The following SHISA6 variants were observed in gnomAD, a reference collection of about 807,000 sequenced individuals.
SHISA6 encodes shisa family member 6, also known as protein shisa-6.
SHISA6 carries 22 observed loss-of-function variants against 47.9 expected under a neutral mutation model. The ratio of observed to expected loss-of-function variants is 0.46; its 90% CI spans 0.33 to 0.66. The LOEUF is 0.66. Among genes scored for constraint, SHISA6 ranks in the 30% least tolerant of loss-of-function variants. The pLI is 0.02. For synonymous variants in SHISA6, 388 were observed against 337.8 expected, an observed-to-expected ratio of 1.15 and a Z score of -1.63; for missense variants, 680 against 764.6, an observed-to-expected ratio of 0.89 and a Z score of 1.30.
intron 2 of SHISA6, among the ~76,000 whole-genome samples, chr17:11,303,810 G>A (rs114322666): frequency 6.6e-6 from 1 of 152,218 alleles, no homozygotes; most frequent in Non-Finnish European, 1.5e-5. Context: ...CCTCAGAGGA[G>A]TGTGCTGAGT....
At chr17:11,270,666 A>G (rs1357343048) in intron 2 of SHISA6, among the ~76,000 whole-genome samples, 1 of 152,208 alleles carries the variant, frequency 6.6e-6, no homozygotes, top group Non-Finnish European at 1.5e-5. Context: ...GTGTTTTCAT[A>G]AAATTTGGAC....
intron 2 of SHISA6, among the ~76,000 whole-genome samples, chr17:11,376,431 C>A (rs1246737373): frequency 2.0e-5 from 3 of 151,856 alleles, no homozygotes; most frequent in African/African-American, 4.8e-5. Context: ...AGTTCTCCTG[C>A]CTCAGGCCTC....
At chr17:11,260,263 C>G (rs1908177187) in intron 1 of SHISA6, among the ~76,000 whole-genome samples, 1 of 152,028 alleles carries the variant, frequency 6.6e-6, no homozygotes, top group Non-Finnish European at 1.5e-5. Context: ...GGCAATAATC[C>G]AGATAATTCA....
chr17:11,419,830 A>G (rs1914402448), intron 3 of SHISA6, among the ~76,000 whole-genome samples: 1 of 152,178 alleles, frequency 6.6e-6, no homozygotes, highest in Non-Finnish European at 1.5e-5. Flanking sequence ...TAACAATCAT[A>G]TAGTGCTCTT....
At chr17:11,452,945 C>T (rs1915443882) in intron 3 of SHISA6, among the ~76,000 whole-genome samples, 1 of 149,564 alleles carries the variant, frequency 6.7e-6, no homozygotes, top group South Asian at 2.2e-4. Flanking sequence ...CCTCTTCCTC[C>T]CTCTCCTTCT....
intron 3 of SHISA6, among the ~76,000 whole-genome samples, chr17:11,401,711 G>C (rs1913780090): frequency 6.6e-6 from 1 of 152,116 alleles, no homozygotes; most frequent in Non-Finnish European, 1.5e-5. Flanking sequence ...AGCCGATATG[G>C]ACAATCCTTT....
chr17:11,523,625 A>G (rs2071650160), intron 3 of SHISA6, among the ~76,000 whole-genome samples: 1 of 152,190 alleles, frequency 6.6e-6, no homozygotes, highest in Non-Finnish European at 1.5e-5. Flanking sequence ...ATGCTTTGAT[A>G]TTTATTTAAA....
chr17:11,503,435 C>T (rs1160543555), intron 3 of SHISA6, among the ~76,000 whole-genome samples: 3 of 152,174 alleles, frequency 2.0e-5, no homozygotes, highest in African/African-American at 7.2e-5. Context: ...GACAGAGCCC[C>T]GCCCAGCCAC....
At chr17:11,480,966 C>T (rs1399464783) in intron 3 of SHISA6, among the ~76,000 whole-genome samples, 1 of 152,108 alleles carries the variant, frequency 6.6e-6, no homozygotes, top group Non-Finnish European at 1.5e-5. Context: ...CATTCAAGAA[C>T]TAGATACAAG....
chr17:11,479,864 C>T (rs1351204943), intron 3 of SHISA6, among the ~76,000 whole-genome samples: 1 of 151,850 alleles, frequency 6.6e-6, no homozygotes, highest in African/African-American at 2.4e-5. Context: ...TTTATCTTCA[C>T]TTATTTTTTC....
intron 2 of SHISA6, among the ~76,000 whole-genome samples, chr17:11,295,978 A>T (rs1251217282): frequency 6.6e-6 from 1 of 151,760 alleles, no homozygotes; most frequent in African/African-American, 2.4e-5. Context: ...AAAAAAAAAA[A>T]AAAAAAGTCA....
chr17:11,388,647 C>G (rs767086759), intron 3 of SHISA6, among the ~76,000 whole-genome samples: 1 of 151,230 alleles, frequency 6.6e-6, no homozygotes, highest in Admixed American at 6.6e-5. Context: ...TCTGCGGCAT[C>G]GGTGTGATTC....
At chr17:11,305,160 C>T (rs1454723712) in intron 2 of SHISA6, among the ~76,000 whole-genome samples, 4 of 152,124 alleles carry the variant, frequency 2.6e-5, no homozygotes, top group Admixed American at 6.5e-5. Context: ...GCCTCCTTTT[C>T]CTCTTACAAA....
chr17:11,379,589 C>A, intron 3 of SHISA6, 80 bp downstream of exon 3: 2 of 964,530 alleles, frequency 2.1e-6, no homozygotes, highest in African/African-American at 1.7e-5. Flanking sequence ...GGTGTGGAGG[C>A]CAGAGGCTTG....
At chr17:11,272,477 A>T (rs1420419438) in intron 2 of SHISA6, among the ~76,000 whole-genome samples, 1 of 151,750 alleles carries the variant, frequency 6.6e-6, no homozygotes, top group Non-Finnish European at 1.5e-5. Context: ...CCAGTTTGGA[A>T]CCCCGCTCTG....
At chr17:11,352,734 T>C (rs1349538527) in intron 2 of SHISA6, among the ~76,000 whole-genome samples, 1 of 152,188 alleles carries the variant, frequency 6.6e-6, no homozygotes, top group African/African-American at 2.4e-5. Context: ...CATGTAGGGT[T>C]GAAACAGTAG....
At chr17:11,308,017 C>G (rs1910186817) in intron 2 of SHISA6, among the ~76,000 whole-genome samples, 2 of 152,108 alleles carry the variant, frequency 1.3e-5, no homozygotes, top group Admixed American at 1.3e-4. Flanking sequence ...AGTTTGGTGT[C>G]TGAGCTGTTG....
chr17:11,432,515 G>T (rs1408618488), intron 3 of SHISA6, among the ~76,000 whole-genome samples: 2 of 152,140 alleles, frequency 1.3e-5, no homozygotes, highest in African/African-American at 2.4e-5. Context: ...GAGAAAATTT[G>T]ATCTGTTACA....
intron 3 of SHISA6, among the ~76,000 whole-genome samples, chr17:11,508,255 T>C (rs1293697121): frequency 6.6e-6 from 1 of 152,182 alleles, no homozygotes; most frequent in Non-Finnish European, 1.5e-5. Flanking sequence ...AGAACACAGA[T>C]TTATTTCTCA....
Sources: allele counts gnomAD v4.1 joint callset (sites outside exome capture counted in the v4.1 genomes callset), GRCh38; gene constraint gnomAD v4.1.1; transcripts MANE v1.5; gene names NCBI Gene and HGNC (gene_info 2026-07-23, HGNC 2026-07-21).